Variants in MYBPC2 observed in about 807,000 individuals in gnomAD.
MYBPC2 encodes the protein myosin binding protein C2.
In MYBPC2, 122 loss-of-function variants were observed where a neutral mutation model predicts 137.0. The ratio of observed to expected loss-of-function variants is 0.89; its 90% CI spans 0.77 to 1.03. The LOEUF (loss-of-function observed/expected upper bound fraction) is 1.03. Among genes scored for constraint, MYBPC2 ranks in the 50% least tolerant of loss-of-function variants. The pLI, the probability that MYBPC2 is intolerant of heterozygous loss-of-function variation, is 0.00. For missense variants in MYBPC2, 1,500 were observed against 1,534.4 expected, an observed-to-expected ratio of 0.98 and a Z score of 0.37; for synonymous variants, 626 against 612.3, an observed-to-expected ratio of 1.02 and a Z score of -0.33.
chr19:50,452,488 GTATGTATGTATGTATGTATGTATCTATC>G (rs1469960597), intron 16 of MYBPC2, among the ~76,000 whole-genome samples: 20 of 93,624 alleles, frequency 2.1e-4, no homozygotes, highest in South Asian at 2.1e-3. Context: ...ATGTATGTAT[GTATGTATGTATGTATGTATGTATCTATC>G]TATCTATCTA....
At chr19:50,434,211 G>C (rs1437383564) in intron 1 of MYBPC2, among the ~76,000 whole-genome samples, 1 of 152,132 alleles carries the variant, frequency 6.6e-6, no homozygotes, top group Admixed American at 6.5e-5. Flanking sequence ...TACTAAATTA[G>C]CTGGGCTTGT....
intron 1 of MYBPC2, among the ~76,000 whole-genome samples, 182 bp downstream of exon 1, chr19:50,433,154 A>G (rs1568655675): frequency 6.6e-6 from 1 of 152,098 alleles, no homozygotes; most frequent in Non-Finnish European, 1.5e-5. Context: ...TCGACTCTGC[A>G]TGGGGAAGAG....
intron 20 of MYBPC2, among the ~76,000 whole-genome samples, chr19:50,456,902 CCAAA>C (rs1018943116): frequency 1.3e-5 from 2 of 152,216 alleles, no homozygotes; most frequent in African/African-American, 4.8e-5. Context: ...CCATCCTCCA[CCAAA>C]CAAACATTCA....
In MYBPC2 at chr19:50,450,896, G is replaced by T; in HGVS notation, c.1540G>T (p.Gly514Cys). 6.3e-7 allele frequency: 1 copy of T among 1,577,930 alleles called. No individual in the cohort carries two copies. Among genetic ancestry groups the T allele is most frequent in the East Asian group, 2.3e-5 (1 of 42,676 alleles). ...GGGAGACTACACGTTTGTGCCTGACGGCTACGCCCTGTCGCTCTCGGCCAA... is the reference window on the plus strand; with the variant it reads ...GGGAGACTACACGTTTGTGCCTGACTGCTACGCCCTGTCGCTCTCGGCCAA... ...DEGDYTFVPD[G>C]YALSLSAKLN... The change falls in exon 14 of 28, where the codon GGC becomes TGC. Residue 514 changes from glycine to cysteine, a missense_variant. Transcript: ENST00000357701.
chr19:50,449,230 A>C (rs2039834659), intron 13 of MYBPC2, among the ~76,000 whole-genome samples: 1 of 152,162 alleles, frequency 6.6e-6, no homozygotes, highest in Non-Finnish European at 1.5e-5. Flanking sequence ...TTGAGCGTGC[A>C]GGTTGGTTGG....
At chr19:50,442,595 A>G (rs2039766241) in intron 9 of MYBPC2, among the ~76,000 whole-genome samples, 2 of 151,704 alleles carry the variant, frequency 1.3e-5, no homozygotes, top group African/African-American at 2.4e-5. Context: ...ACATGTCTGT[A>G]GTGCCTGTAA....
intron 24 of MYBPC2, 52 bp from the exon 25 acceptor site, chr19:50,461,490 C>G (rs1008084559): frequency 6.4e-7 from 1 of 1,563,466 alleles, no homozygotes; most frequent in African/African-American, 1.4e-5. Context: ...TGTGTGTAAT[C>G]GTGTGATCCT....
intron 12 of MYBPC2, among the ~76,000 whole-genome samples, chr19:50,446,818 CAAAAAAA>C (rs746953730): frequency 9.8e-6 from 1 of 102,486 alleles, no homozygotes; most frequent in Admixed American, 1.1e-4. Flanking sequence ...GACTCTGTCT[CAAAAAAA>C]AAAAAAAAAA....
chr19:50,440,901 G>A lies in MYBPC2; in HGVS notation c.594G>A (p.Lys198=). The A allele has an allele frequency of 6.2e-7, 1 of 1,613,306 alleles. No individual in the cohort carries two copies. The highest frequency in any genetic ancestry group is 1.1e-5 in the South Asian group (1 of 91,008). ...CCAGGGAGGTGGTGGAGGAGGAGAA[G>A]AAGAAGAAAAAGAAAGATGACGATG... ...LKKREVVEEE[K]KKKKKDDDDL... The change falls in exon 8 of 28, where the codon AAG becomes AAA. Residue 198 remains lysine (K), a synonymous_variant. Coordinates refer to ENST00000357701, the MANE Select transcript of MYBPC2 (RefSeq NM_004533.4).
chr19:50,442,437 G>A (rs1034484608), intron 9 of MYBPC2, 124 bp downstream of exon 9: 59 of 1,330,090 alleles, frequency 4.4e-5, no homozygotes, highest in Non-Finnish European at 5.6e-5. Context: ...AGTACAGGCC[G>A]GGCACAGTGG....
chr19:50,436,243 G>A (rs1195759124), intron 4 of MYBPC2, 83 bp downstream of exon 4: 3 of 1,500,346 alleles, frequency 2.0e-6, no homozygotes, highest in Non-Finnish European at 2.7e-6. Context: ...TGTTGCCTGA[G>A]GCATCAATGT....
intron 15 of MYBPC2, 42 bp from the exon 16 acceptor site, chr19:50,451,822 C>T: frequency 1.9e-6 from 3 of 1,569,202 alleles, no homozygotes; most frequent in Non-Finnish European, 2.6e-6. Flanking sequence ...GAAGGCCCAG[C>T]CTCCCACTCC....
Position 50,455,656 on chromosome 19 carries a change from T to C in MYBPC2, c.2338+12T>C, listed in dbSNP as rs1179392636. 1 of 1,612,760 alleles carries C rather than the reference T, an allele frequency of 6.2e-7. No individual in the cohort carries two copies. The highest frequency in any genetic ancestry group is 8.5e-7 in the Non-Finnish European group (1 of 1,179,296). On this transcript the variant is annotated intron_variant, in intron 20 of 27. Coordinates refer to ENST00000357701, the MANE Select transcript of MYBPC2 (RefSeq NM_004533.4). ...CTGCCTGGAAGGCTGTGAGTGACCC[T>C]GGCAGGGCTGGTGGGGGTGGTGGCT... is the stretch of plus-strand genomic sequence containing the variant.
chr19:50,461,011 T>TC (rs200688857), intron 24 of MYBPC2, among the ~76,000 whole-genome samples: 16 of 146,764 alleles, frequency 1.1e-4, no homozygotes, highest in Middle Eastern at 3.9e-3. Context: ...TTAAATTTTT[T>TC]TTTTTTTTTT....
intron 26 of MYBPC2, 77 bp downstream of exon 26, chr19:50,462,113 T>A: frequency 6.8e-7 from 1 of 1,462,100 alleles, no homozygotes; most frequent in Middle Eastern, 2.1e-4. Context: ...CCACTCCCCA[T>A]CACGCCAGTT....
chr19:50,462,337 C>A (rs930264041), intron 26 of MYBPC2, among the ~76,000 whole-genome samples: 2 of 152,000 alleles, frequency 1.3e-5, no homozygotes, highest in African/African-American at 4.8e-5. Flanking sequence ...CAGGCATGAA[C>A]CACTGTGGCC....
intron 18 of MYBPC2, 47 bp from the exon 19 acceptor site, chr19:50,455,061 C>G (rs752791352): frequency 6.5e-7 from 1 of 1,539,756 alleles, no homozygotes; most frequent in Non-Finnish European, 8.8e-7. Flanking sequence ...TGACTCATGC[C>G]CCATGCCCTC....
intron 1 of MYBPC2, among the ~76,000 whole-genome samples, chr19:50,434,139 C>T (rs1319860206): frequency 1.3e-5 from 2 of 152,090 alleles, no homozygotes; most frequent in Non-Finnish European, 2.9e-5. Context: ...GGGTGGATCA[C>T]CTGAGCCCAG....
At chr19:50,450,243 T>C (rs1344103178) in intron 13 of MYBPC2, among the ~76,000 whole-genome samples, 3 of 152,106 alleles carry the variant, frequency 2.0e-5, no homozygotes, top group African/African-American at 7.2e-5. Context: ...GGTACTTTTC[T>C]AGGTGTGGTT....
Sources: allele counts gnomAD v4.1 joint callset (sites outside exome capture counted in the v4.1 genomes callset), GRCh38; gene constraint gnomAD v4.1.1; transcripts MANE v1.5; gene names NCBI Gene and HGNC (gene_info 2026-07-23, HGNC 2026-07-21).